Variants in PCDHGA1 observed in about 807,000 individuals in gnomAD.
The protein encoded by PCDHGA1 is protocadherin gamma-A1.
PCDHGA1 carries 32 observed loss-of-function variants against 58.0 expected under a neutral mutation model. The observed-to-expected ratio is 0.55, with a 90% confidence interval of 0.42 to 0.74. PCDHGA1 has a LOEUF of 0.74. Ranked by LOEUF, PCDHGA1 falls within the 30% of genes least tolerant of loss-of-function variation. The pLI, the probability that PCDHGA1 is intolerant of heterozygous loss-of-function variation, is 0.00. For missense variants in PCDHGA1, 1,205 were observed against 1,182.3 expected, an observed-to-expected ratio of 1.02 and a Z score of -0.28; for synonymous variants, 498 against 501.1, an observed-to-expected ratio of 0.99 and a Z score of 0.08.
chr5:141,352,184 G>A, intron 1 of PCDHGA1: 1 of 1,613,852 alleles, frequency 6.2e-7, no homozygotes, highest in Non-Finnish European at 8.5e-7. Flanking sequence ...GCTGGTCGCT[G>A]TGCGTGATGG....
chr5:141,483,456 G>T (rs2099581503), intron 1 of PCDHGA1, among the ~76,000 whole-genome samples: 1 of 152,180 alleles, frequency 6.6e-6, no homozygotes, highest in Admixed American at 6.5e-5. Context: ...ATCAGGACTT[G>T]TTGATTGACA....
chr5:141,383,564 G>T (rs767546411), intron 1 of PCDHGA1: 1 of 1,613,046 alleles, frequency 6.2e-7, no homozygotes, highest in South Asian at 1.1e-5. Flanking sequence ...GACCCGCCCC[G>T]ATCCAGCACC....
chr5:141,486,444 T>G lies in PCDHGA1; in HGVS notation c.2422-8363T>G. 1 of 1,614,086 alleles carries G rather than the reference T, an allele frequency of 6.2e-7. No homozygotes were observed. Among genetic ancestry groups the G allele is most frequent in the Non-Finnish European group, 8.5e-7 (1 of 1,179,930 alleles). ...GAGGCCAAATCTAGCTATGACATCA[T>G]GGTCACTGCTTCTGATGCTGGGAAC... On this transcript the variant is annotated intron_variant, in intron 1 of 3. Coordinates refer to ENST00000517417, the MANE Select transcript of PCDHGA1 (RefSeq NM_018912.3). The surrounding 1 kb of genome is among the most constrained non-coding windows in gnomAD (Gnocchi z 5.0).
intron 1 of PCDHGA1, chr5:141,355,527 T>G (rs763714281): frequency 6.2e-7 from 1 of 1,614,060 alleles, no homozygotes; most frequent in Non-Finnish European, 8.5e-7. Flanking sequence ...TGGAGATTCT[T>G]CTAGAAGATA....
chr5:141,503,924 G>C (rs1282755998), intron 2 of PCDHGA1, among the ~76,000 whole-genome samples: 1 of 152,146 alleles, frequency 6.6e-6, no homozygotes, highest in Non-Finnish European at 1.5e-5. Flanking sequence ...CACACACACA[G>C]ACATTTTCAT....
chr5:141,355,101 G>T, intron 1 of PCDHGA1: 2 of 1,500,200 alleles, frequency 1.3e-6, no homozygotes, highest in Non-Finnish European at 1.8e-6. Flanking sequence ...GAGAGCTCTG[G>T]CTGTGAATGC....
At position 141,399,531 on chromosome 5, in the gene PCDHGA1, G is replaced by T. The variant is rs771221717; in HGVS notation, c.2421+66426G>T. 24 of 1,614,052 alleles carry T rather than the reference G, an allele frequency of 1.5e-5. No homozygotes were observed. The South Asian group carries it at 2.0e-4, about 13-fold the overall frequency. ...ACAACCCTCCTGGGGCCTCCATCGC[G>T]CAAGTCTGCGCCTCGGACCTGGACT... On this transcript the variant is annotated intron_variant, in intron 1 of 3. Coordinates refer to ENST00000517417, the MANE Select transcript of PCDHGA1 (RefSeq NM_018912.3).
intron 1 of PCDHGA1, chr5:141,415,390 G>A (rs1191160575): frequency 1.2e-6 from 2 of 1,614,224 alleles, no homozygotes; most frequent in South Asian, 2.2e-5. Flanking sequence ...CTTGACAGGT[G>A]TGTCCGGCTC....
chr5:141,330,855 G>A lies in PCDHGA1; in HGVS notation c.171G>A (p.Gln57=), dbSNP rs115490425. Residue 57 remains glutamine (Q), a synonymous_variant, in exon 1 of 4, where the codon CAG becomes CAA. Coordinates refer to ENST00000517417, the MANE Select transcript of PCDHGA1 (RefSeq NM_018912.3). ...NIAKDLGLQP[Q]ELADGGVRIV... ...CCAAGGACCTAGGGCTGCAACCCCA[G>A]GAGCTGGCAGATGGCGGAGTCCGCA... 70 of 1,614,194 alleles carry A rather than the reference G, an allele frequency of 4.3e-5. No homozygotes were observed. In the African/African-American group the frequency reaches 8.3e-4, roughly 19 times the overall value.
rs1334834893 is a variant in PCDHGA1, at chr5:141,332,389, A to C, written c.1705A>C (p.Thr569Pro). 6.2e-7 allele frequency: 1 copy of C among 1,613,904 alleles called. No individual in the cohort carries two copies. The highest frequency in any genetic ancestry group is 8.5e-7 in the Non-Finnish European group (1 of 1,179,976). Residue 569 changes from threonine (T) to proline (P), a missense_variant, in exon 1 of 4, where the codon ACA becomes CCA. Coordinates refer to ENST00000517417, the MANE Select transcript of PCDHGA1 (RefSeq NM_018912.3). This position sits in a 1 kb window ranked among gnomAD's most constrained non-coding sequence, Gnocchi z 4.6. ...APEILYPALP[T>P]DGSTGVELAP... Reference sequence around the variant, plus strand: ...CGAGATCCTGTACCCCGCCCTCCCCACAGATGGTTCTACCGGCGTGGAGCT... The same window carrying C: ...CGAGATCCTGTACCCCGCCCTCCCCCCAGATGGTTCTACCGGCGTGGAGCT...
At chr5:141,433,044 A>T in intron 1 of PCDHGA1, 2 of 1,613,972 alleles carry the variant, frequency 1.2e-6, no homozygotes, top group Non-Finnish European at 8.5e-7. Flanking sequence ...CTCACCACGG[A>T]CTCGCGGAAG....
At chr5:141,406,331 C>A (rs577134835) in intron 1 of PCDHGA1, among the ~76,000 whole-genome samples, 22 of 152,002 alleles carry the variant, frequency 1.4e-4, no homozygotes, top group Non-Finnish European at 2.8e-4. Context: ...CTTACTCCTA[C>A]GATCATTTAT....
At chr5:141,354,537 T>C (rs1172449329) in intron 1 of PCDHGA1, among the ~76,000 whole-genome samples, 2 of 152,230 alleles carry the variant, frequency 1.3e-5, no homozygotes, top group Non-Finnish European at 2.9e-5. Context: ...CCCCAGGTTC[T>C]AGAGGGTCAA....
intron 1 of PCDHGA1, chr5:141,408,546 A>G (rs777449394): frequency 6.2e-7 from 1 of 1,613,898 alleles, no homozygotes; most frequent in Non-Finnish European, 8.5e-7. Context: ...AATCCTTTAA[A>G]TATTTTTCAT....
chr5:141,340,525 C>G (rs1756954726), intron 1 of PCDHGA1: 4 of 1,614,126 alleles, frequency 2.5e-6, no homozygotes, highest in African/African-American at 1.3e-5. Flanking sequence ...ATGCACTGCG[C>G]TCCTTTGATT....
chr5:141,364,603 C>T (rs1763435193), intron 1 of PCDHGA1: 2 of 1,614,062 alleles, frequency 1.2e-6, no homozygotes, highest in African/African-American at 1.3e-5. Flanking sequence ...GCAGGATAGA[C>T]CGGGAGGAGC....
rs766795269 is a variant in PCDHGA1, at chr5:141,394,804, T to C, written c.2421+61699T>C. Reference sequence around the variant, plus strand: ...GCCACTGTCACGCTCACCGTAGCCGTGGCTGACAGCATCCCCGAAGTCCTG... The same window carrying C: ...GCCACTGTCACGCTCACCGTAGCCGCGGCTGACAGCATCCCCGAAGTCCTG... On this transcript the variant is annotated intron_variant, in intron 1 of 3. Coordinates refer to ENST00000517417, the MANE Select transcript of PCDHGA1 (RefSeq NM_018912.3). 8 of 1,613,850 alleles carry C rather than the reference T, an allele frequency of 5.0e-6. No individual in the cohort carries two copies. In the South Asian group the frequency reaches 6.6e-5, roughly 13 times the overall value.
At chr5:141,339,878 A>G (rs2149722403) in intron 1 of PCDHGA1, 13 of 1,614,170 alleles carry the variant, frequency 8.1e-6, no homozygotes, top group East Asian at 6.7e-5. Flanking sequence ...AGAACTGACA[A>G]TCATAAAAGA....
In PCDHGA1 at chr5:141,331,214, A is replaced by G; in HGVS notation, c.530A>G (p.His177Arg). ...LQSYQLSSNP[H>R]FSLDVQQGAD... ...AGCTACCAACTCAGCTCTAACCCTCATTTCTCCCTGGATGTGCAACAGGGA... is the reference window on the plus strand; with the variant it reads ...AGCTACCAACTCAGCTCTAACCCTCGTTTCTCCCTGGATGTGCAACAGGGA... The change falls in exon 1 of 4, where the codon CAT becomes CGT. Residue 177 changes from histidine (H) to arginine (R), a missense_variant. Physicochemically the swap from His to Arg is conservative, Grantham distance 29. Coordinates refer to ENST00000517417, the MANE Select transcript of PCDHGA1 (RefSeq NM_018912.3). The G allele has an allele frequency of 6.2e-7, 1 of 1,613,936 alleles. No individual in the cohort carries two copies. Among genetic ancestry groups the G allele is most frequent in the Non-Finnish European group, 8.5e-7 (1 of 1,179,984 alleles).
Sources: gnomAD v4.1 joint callset for allele counts (sites outside exome capture counted in the v4.1 genomes callset) on GRCh38, gnomAD v4.1.1 for gene constraint, Gnocchi (gnomAD v3.1) non-coding constraint, MANE v1.5 for transcripts, NCBI Gene and HGNC (gene_info 2026-07-23, HGNC 2026-07-21) for gene names.